HTR1F: variants seen among roughly 807,000 people sequenced by gnomAD.
The protein encoded by HTR1F is 5-hydroxytryptamine receptor 1F, also known as 5-hydroxytryptamine (serotonin) receptor 1F, G protein-coupled.
Under a neutral mutation model 24.0 loss-of-function variants are expected in HTR1F, and 17 were observed. That is an observed-to-expected ratio of 0.71 (90% CI 0.48 to 1.06). The LOEUF is 1.06. Ranked by LOEUF, HTR1F falls within the 50% of genes least tolerant of loss-of-function variation. The probability of loss-of-function intolerance (pLI) is 0.00; values close to 1 mark genes in which losing one functional copy is unlikely to be tolerated. For missense variants in HTR1F, 391 were observed against 427.8 expected (o/e 0.91, Z 0.76); for synonymous variants, 186 against 156.8 (o/e 1.19, Z -1.39).
In HTR1F at chr3:87,795,447, T is replaced by C. The variant is rs567280512; in HGVS notation, c.-160+2605T>C. The stretch of plus-strand genomic sequence containing the variant: ...AATAACTGGGTAATGTAAAACAACA[T>C]GGACATAGCGATATTTGCAAAACCA... On this transcript the variant is annotated intron_variant, in intron 1 of 2. Coordinates refer to ENST00000319595, the MANE Select transcript of HTR1F (RefSeq NM_001322209.2). 3.9e-5 allele frequency among the ~76,000 whole-genome samples: 6 copies of C among 152,336 alleles called. No homozygotes were observed. The East Asian group carries it at 5.8e-4, about 15-fold the overall frequency.
intron 2 of HTR1F, among the ~76,000 whole-genome samples, chr3:87,827,920 T>C (rs558354597): frequency 6.6e-6 from 1 of 152,250 alleles, no homozygotes; most frequent in Non-Finnish European, 1.5e-5. Context: ...TGGGGTAACT[T>C]AATGAACTTC....
Position 87,944,547 on chromosome 3 carries a change from G to A in HTR1F, c.-42-46161G>A, listed in dbSNP as rs150084747. On this transcript the variant is annotated intron_variant, in intron 2 of 2. Transcript: ENST00000319595. Reference sequence around the variant, plus strand: ...AAGGGAGTTCCTCCTAGGTCTGGTCGGACCTTTGTATAGTAATTAAGATTT... The same window carrying A: ...AAGGGAGTTCCTCCTAGGTCTGGTCAGACCTTTGTATAGTAATTAAGATTT... 2.9e-3 allele frequency among the ~76,000 whole-genome samples: 446 copies of A among 151,932 alleles called. 2 individuals are homozygous for A. The highest frequency in any genetic ancestry group is 0.01 in the African/African-American group (425 of 41,408).
chr3:87,969,638 T>C (rs2107493663), intron 2 of HTR1F, among the ~76,000 whole-genome samples: 1 of 152,338 alleles, frequency 6.6e-6, no homozygotes, highest in South Asian at 2.1e-4. Context: ...GGGACTTGCC[T>C]TGTCTCAGAT....
chr3:87,966,311 A>G (rs1187343646), intron 2 of HTR1F, among the ~76,000 whole-genome samples: 1 of 152,190 alleles, frequency 6.6e-6, no homozygotes, highest in Non-Finnish European at 1.5e-5. Flanking sequence ...GGGAGTAAGG[A>G]TTTTAATGTA....
chr3:87,913,635 G>A (rs370838293), intron 2 of HTR1F, among the ~76,000 whole-genome samples: 113 of 152,202 alleles, frequency 7.4e-4, no homozygotes, highest in African/African-American at 2.4e-3. Flanking sequence ...GTATCCATAC[G>A]TTGATTGCAC....
intron 2 of HTR1F, among the ~76,000 whole-genome samples, chr3:87,973,814 C>G (rs1450891419): frequency 1.3e-5 from 2 of 152,166 alleles, no homozygotes; most frequent in South Asian, 2.1e-4. Flanking sequence ...TATTATCCAT[C>G]AGGTTCATAA....
At chr3:87,971,103 AC>A (rs1705277108) in intron 2 of HTR1F, among the ~76,000 whole-genome samples, 1 of 152,032 alleles carries the variant, frequency 6.6e-6, no homozygotes, top group Admixed American at 6.5e-5. Flanking sequence ...TTCTACCAAC[AC>A]CTTAACACAT....
chr3:87,879,727 A>G (rs1379838108), intron 2 of HTR1F, among the ~76,000 whole-genome samples: 1 of 152,174 alleles, frequency 6.6e-6, no homozygotes, highest in Non-Finnish European at 1.5e-5. Context: ...CATAAAATGA[A>G]TATTTCATTT....
intron 2 of HTR1F, among the ~76,000 whole-genome samples, chr3:87,865,211 C>A (rs1009153829): frequency 6.6e-6 from 1 of 151,730 alleles, no homozygotes; most frequent in Non-Finnish European, 1.5e-5. Context: ...GTTTTTTTTG[C>A]CTTACATCAT....
intron 2 of HTR1F, among the ~76,000 whole-genome samples, chr3:87,946,557 A>T (rs991825225): frequency 1.3e-5 from 2 of 151,378 alleles, no homozygotes; most frequent in Non-Finnish European, 2.9e-5. Context: ...AATTTAATGT[A>T]CCTAATACAT....
intron 2 of HTR1F, among the ~76,000 whole-genome samples, chr3:87,874,114 G>A (rs969424981): frequency 6.6e-6 from 1 of 151,958 alleles, no homozygotes; most frequent in South Asian, 2.1e-4. Flanking sequence ...CATGATAATG[G>A]AGTTCCTAGC....
intron 2 of HTR1F, among the ~76,000 whole-genome samples, chr3:87,916,668 A>G (rs1703902208): frequency 6.6e-6 from 1 of 152,116 alleles, no homozygotes; most frequent in Admixed American, 6.6e-5. Flanking sequence ...GTCCAACAGG[A>G]AAATATCACA....
intron 2 of HTR1F, among the ~76,000 whole-genome samples, chr3:87,958,237 C>G (rs1704986247): frequency 6.6e-6 from 1 of 151,476 alleles, no homozygotes; most frequent in Non-Finnish European, 1.5e-5. Flanking sequence ...ATAAATTAGA[C>G]CAAGGTGGAA....
rs538458503 is a variant in HTR1F, at chr3:87,938,604, G to A, written c.-42-52104G>A. On this transcript the variant is annotated intron_variant, in intron 2 of 2. Coordinates refer to ENST00000319595, the MANE Select transcript of HTR1F (RefSeq NM_001322209.2). ...ACAAAAACTGACACATAGACAAATG[G>A]AAGAAAATAGAGAGCCTAGAAGTAA... Among the ~76,000 whole-genome samples, 5 of 152,222 alleles carry A rather than the reference G, an allele frequency of 3.3e-5. No homozygotes were observed. The South Asian group carries it at 8.3e-4, about 25-fold the overall frequency.
chr3:87,846,661 G>T (rs369111786), intron 2 of HTR1F, among the ~76,000 whole-genome samples: 3 of 151,914 alleles, frequency 2.0e-5, no homozygotes, highest in Non-Finnish European at 4.4e-5. Context: ...ATTGAGTAAT[G>T]GCTTGCAGTG....
intron 2 of HTR1F, among the ~76,000 whole-genome samples, chr3:87,901,478 G>T (rs1706321983): frequency 6.6e-6 from 1 of 152,088 alleles, no homozygotes; most frequent in Non-Finnish European, 1.5e-5. Flanking sequence ...GAGCCTCCAG[G>T]AGTGAGAAAA....
At chr3:87,933,486 G>C (rs1258487019) in intron 2 of HTR1F, among the ~76,000 whole-genome samples, 1 of 152,180 alleles carries the variant, frequency 6.6e-6, no homozygotes, top group Non-Finnish European at 1.5e-5. Flanking sequence ...TCCTTAAGCT[G>C]ATAAGCAACT....
rs1280828697 is a variant in HTR1F at position 87,943,793 on chromosome 3, C to T, written c.-42-46915C>T. Among the ~76,000 whole-genome samples the T allele has an allele frequency of 2.0e-5, 3 of 152,278 alleles. No individual in the cohort carries two copies. In the East Asian group the frequency reaches 5.8e-4, roughly 29 times the overall value. On this transcript the variant is annotated intron_variant, in intron 2 of 2. Transcript: ENST00000319595. The stretch of plus-strand genomic sequence containing the variant: ...CCCTCAGGAGGCCGGGTTTCTCCCC[C>T]TTGAAGAGGATATCATGGCCAGGCG...
intron 2 of HTR1F, among the ~76,000 whole-genome samples, chr3:87,878,253 C>T (rs1705713326): frequency 6.6e-6 from 1 of 152,138 alleles, no homozygotes; most frequent in Admixed American, 6.6e-5. Flanking sequence ...TGAACCAGAT[C>T]ACTGAGTATT....
Sources: allele counts gnomAD v4.1 joint callset (sites outside exome capture counted in the v4.1 genomes callset), GRCh38; gene constraint gnomAD v4.1.1; transcripts MANE v1.5; gene names NCBI Gene and HGNC (gene_info 2026-07-23, HGNC 2026-07-21).